The following ATP13A1 variants were observed in gnomAD, a reference collection of about 807,000 sequenced individuals.
ATP13A1 encodes the protein ATPase 13A1.
In ATP13A1, 55 loss-of-function variants were observed where a neutral mutation model predicts 134.8. The ratio of observed to expected loss-of-function variants is 0.41; its 90% CI spans 0.33 to 0.51. The LOEUF is 0.51. ATP13A1 is among the 20% of genes least tolerant of loss of function. ATP13A1 has a pLI of 0.29. For missense variants in ATP13A1, 1,389 were observed against 1,652.8 expected (o/e 0.84, Z 2.77); for synonymous variants, 775 against 725.1 (o/e 1.07, Z -1.10).
At chr19:19,661,613 C>T (rs1279029139) in intron 1 of ATP13A1, among the ~76,000 whole-genome samples, 1 of 152,176 alleles carries the variant, frequency 6.6e-6, no homozygotes, top group Non-Finnish European at 1.5e-5. Flanking sequence ...ACCACAAAGG[C>T]AGGGGGATTT....
chr19:19,646,992 C>G (rs1287112468), intron 22 of ATP13A1, 137 bp downstream of exon 22: 21 of 991,014 alleles, frequency 2.1e-5, no homozygotes, highest in Non-Finnish European at 3.0e-5. Flanking sequence ...GCCAGCATTT[C>G]CTGAGCCATC....
chr19:19,646,786 C>G, intron 22 of ATP13A1: 1 of 395,584 alleles, frequency 2.5e-6, no homozygotes. Flanking sequence ...CGGTGTCGCA[C>G]AGGCCTCCCC....
intron 17 of ATP13A1, chr19:19,651,262 T>C (rs1010092222): frequency 1.3e-5 from 2 of 154,554 alleles, no homozygotes; most frequent in African/African-American, 4.8e-5. Flanking sequence ...GGCTGAGCAC[T>C]GGGCAAACTG....
rs189259503 is a variant in ATP13A1, at chr19:19,659,130, G to A, written c.677+471C>T. Among the ~76,000 whole-genome samples, 255 of 152,076 alleles carry A rather than the reference G, an allele frequency of 1.7e-3. 1 individual carries two copies. Among genetic ancestry groups the A allele is most frequent in the Non-Finnish European group, 1.5e-3 (100 of 68,004 alleles). On this transcript the variant is annotated intron_variant, in intron 3 of 25. Transcript: ENST00000357324. ...TGGACTTAGAGCATGTTGCTCAAGC[G>A]GCATCACAGTCACCTGGGACATTTG...
chr19:19,654,386 C>T (rs906870162), intron 13 of ATP13A1, among the ~76,000 whole-genome samples, 157 bp downstream of exon 13: 4 of 152,278 alleles, frequency 2.6e-5, no homozygotes, highest in Middle Eastern at 3.4e-3. Flanking sequence ...CGTGGCCTAT[C>T]CTGGGTCTAA....
At chr19:19,662,136 A>G in intron 1 of ATP13A1, 8 of 1,559,704 alleles carry the variant, frequency 5.1e-6, no homozygotes, top group Non-Finnish European at 6.9e-6. Flanking sequence ...GGAAGTTAAG[A>G]GCTAAGCTGC....
In ATP13A1 at chr19:19,655,913, C is replaced by T; in HGVS notation, c.1234G>A (p.Ala412Thr). ...TTGAATCCGGTCCGCAGGACGTAGG[C>T]CACGCACCCGCTGTCAACCGCTGGG... ...GLKPVDSGCV[A>T]YVLRTGFNTS... Residue 412 changes from alanine to threonine, a missense_variant, in exon 9 of 26, where the codon GCC (alanine) becomes ACC (threonine). Ala to Thr is a moderately conservative substitution (Grantham distance 58). Around this residue, in one of 4 missense-constraint regions of ATP13A1, gnomAD observed 747 missense variants for 956.1 expected, o/e 0.78. Coordinates refer to ENST00000357324, the MANE Select transcript of ATP13A1 (RefSeq NM_020410.3). The surrounding 1 kb of genome is among the most constrained non-coding windows in gnomAD (Gnocchi z 5.7). 1 of 1,599,484 alleles carries T rather than the reference C, an allele frequency of 6.3e-7. No homozygotes were observed.
At chr19:19,646,693 C>A (rs1242531302) in intron 22 of ATP13A1, 1 of 412,658 alleles carries the variant, frequency 2.4e-6, no homozygotes, top group Admixed American at 3.6e-5. Context: ...GGACTCCCTG[C>A]GTCAGCCCAT....
In ATP13A1 at chr19:19,656,922, C is replaced by A. The variant is rs767187901; in HGVS notation, c.907-6G>T. 2 of 1,609,554 alleles carry A rather than the reference C, an allele frequency of 1.2e-6. No individual in the cohort carries two copies. The highest frequency in any genetic ancestry group is 8.5e-7 in the Non-Finnish European group (1 of 1,178,336). ...CACTTGCGGCTTCGGTAGACCTGGG[C>A]GGGGCATGGGTGTCAGCACAGAAGC... On this transcript the variant is annotated splice_region_variant and splice_polypyrimidine_tract_variant and intron_variant, in intron 5 of 25. Transcript: ENST00000357324. This position sits in a 1 kb window ranked among gnomAD's most constrained non-coding sequence, Gnocchi z 4.6.
chr19:19,654,212 A>G, intron 13 of ATP13A1, 68 bp from the exon 14 acceptor site: 1 of 1,451,004 alleles, frequency 6.9e-7, no homozygotes, highest in Non-Finnish European at 9.3e-7. Context: ...CCTACCTCTC[A>G]CCCCGGCCTC....
chr19:19,646,427 C>G, intron 22 of ATP13A1, 80 bp from the exon 23 acceptor site: 1 of 1,530,840 alleles, frequency 6.5e-7, no homozygotes, highest in South Asian at 1.2e-5. Flanking sequence ...CAGTAACATC[C>G]CCTGCCTCCC....
rs546193911 is a variant in ATP13A1 at position 19,656,725 on chromosome 19, G to A, written c.1018C>T (p.Leu340=). Residue 340 remains leucine (L), a synonymous_variant, in exon 7 of 26, where the codon CTG becomes TTG. Transcript: ENST00000357324. This position sits in a 1 kb window ranked among gnomAD's most constrained non-coding sequence, Gnocchi z 4.6. Reference sequence around the variant, plus strand: ...TCTACGATGCAGCGGCCTCGCAGCAGAAGCACGTCACATGGCACCAGGTTC... The same window carrying A: ...TCTACGATGCAGCGGCCTCGCAGCAAAAGCACGTCACATGGCACCAGGTTC... ...QENLVPCDVL[L]LRGRCIVDEA... is the part of the protein sequence containing the mutation. 3.1e-6 allele frequency: 5 copies of A among 1,613,828 alleles called. No individual in the cohort carries two copies. The African/African-American group carries it at 4.0e-5, about 13-fold the overall frequency.
Position 19,655,911 on chromosome 19 carries a change from G to A in ATP13A1, c.1236C>T (p.Ala412=). 6.3e-7 allele frequency: 1 copy of A among 1,599,294 alleles called. No homozygotes were observed. Among genetic ancestry groups the A allele is most frequent in the Non-Finnish European group, 8.5e-7 (1 of 1,177,340 alleles). The stretch of plus-strand genomic sequence containing the variant: ...TGTTGAATCCGGTCCGCAGGACGTA[G>A]GCCACGCACCCGCTGTCAACCGCTG... ...GLKPVDSGCV[A]YVLRTGFNTS... Residue 412 remains alanine, a synonymous_variant, in exon 9 of 26, where the codon GCC becomes GCT. Transcript: ENST00000357324. This position sits in a 1 kb window ranked among gnomAD's most constrained non-coding sequence, Gnocchi z 5.7.
rs1348371759 is a variant in ATP13A1, at chr19:19,663,400, C to T, written c.267G>A (p.Trp89Ter). Residue 89 changes from tryptophan (W) to a stop codon, truncating the protein, a stop_gained, in exon 1 of 26, where the codon TGG (tryptophan) becomes TGA (stop). Transcript: ENST00000357324. LOFTEE classifies it high-confidence loss of function. Reference protein sequence around the residue: ...LGAAAAGCWGWGSSWVQIPEA... With the variant: ...LGAAAAGCWG ...CGGGGATCTGCACCCAACTGCTGCC[C>T]CAGCCCCAGCAGCCAGCGGCTGCGG... is the stretch of plus-strand genomic sequence containing the variant. The T allele has an allele frequency of 1.3e-6, 2 of 1,584,204 alleles. No individual in the cohort carries two copies. The highest frequency in any genetic ancestry group is 1.7e-6 in the Non-Finnish European group (2 of 1,167,158).
At position 19,650,121 on chromosome 19, in the gene ATP13A1, C is replaced by T. The variant is rs1486097534; in HGVS notation, c.2336-181G>A. 5 of 617,108 alleles carry T rather than the reference C, an allele frequency of 8.1e-6. No individual in the cohort carries two copies. In the East Asian group the frequency reaches 8.3e-5, roughly 10 times the overall value. The allele number at this position is 617,108 out of a possible 1,614,324, so 38.2% of individuals were successfully genotyped here. A position where few individuals can be genotyped will look rare whatever the true frequency, so the allele number is the denominator to read the frequency against. The stretch of plus-strand genomic sequence containing the variant: ...CCACAAAGAATGTCCCTCAGGTGCA[C>T]AGGGTGGAACCAAGAGCCTGGGGCC... On this transcript the variant is annotated intron_variant, in intron 17 of 25. Transcript: ENST00000357324.
chr19:19,663,074 C>T (rs755324751), intron 1 of ATP13A1, 197 bp downstream of exon 1: 1 of 808,654 alleles, frequency 1.2e-6, no homozygotes, highest in Non-Finnish European at 2.1e-6. Flanking sequence ...AAGGAAATAA[C>T]CCGCACCAGG....
At chr19:19,663,206 C>T in intron 1 of ATP13A1, 65 bp downstream of exon 1, 5 of 1,550,518 alleles carry the variant, frequency 3.2e-6, no homozygotes, top group Non-Finnish European at 4.4e-6. Flanking sequence ...GACAGGAAGG[C>T]CGCAGCTGGG....
intron 3 of ATP13A1, 30 bp downstream of exon 3, chr19:19,659,571 A>G: frequency 6.3e-7 from 1 of 1,592,994 alleles, no homozygotes; most frequent in Non-Finnish European, 8.6e-7. Flanking sequence ...ACAGAAAGGC[A>G]AAGGTGCTAC....
rs539893243 is a variant in ATP13A1, at chr19:19,663,627, C to T, written c.40G>A (p.Gly14Arg). 12 of 1,341,554 alleles carry T rather than the reference C, an allele frequency of 8.9e-6. No homozygotes were observed. In the African/African-American group the frequency reaches 1.7e-4, roughly 19 times the overall value. The allele number at this position is 1,341,554 out of a possible 1,614,324, so 83.1% of individuals were successfully genotyped here. A position where few individuals can be genotyped will look rare whatever the true frequency, so the allele number is the denominator to read the frequency against. Reference sequence around the variant, plus strand: ...GGCCGGACCCCGCAAGGCCGGGCCCCGCAGGGCACCGCGTTGCCCACCGCC... The same window carrying T: ...GGCCGGACCCCGCAAGGCCGGGCCCTGCAGGGCACCGCGTTGCCCACCGCC... ...AAAVGNAVPC[G>R]ARPCGVRPDG... The change falls in exon 1 of 26, where the codon GGG becomes AGG. Residue 14 changes from glycine to arginine, a missense_variant. Gly to Arg is a moderately radical substitution (Grantham distance 125). This residue lies in a region of ATP13A1 where 293 missense variants were observed against 270.8 expected (regional missense o/e 1.08). Coordinates refer to ENST00000357324, the MANE Select transcript of ATP13A1 (RefSeq NM_020410.3).
Sources: gnomAD v4.1 joint callset for allele counts (sites outside exome capture counted in the v4.1 genomes callset) on GRCh38, gnomAD v4.1.1 for gene constraint, gnomAD v4.1.1 regional missense constraint, Gnocchi (gnomAD v3.1) non-coding constraint, MANE v1.5 for transcripts, NCBI Gene and HGNC (gene_info 2026-07-23, HGNC 2026-07-21) for gene names.